UBR1: variants seen among roughly 807,000 people sequenced by gnomAD.
UBR1 encodes the protein E3 ubiquitin-protein ligase UBR1.
Under a neutral mutation model 242.1 loss-of-function variants are expected in UBR1, and 102 were observed. That is an observed-to-expected ratio of 0.42 (90% CI 0.36 to 0.50). The LOEUF (loss-of-function observed/expected upper bound fraction) is 0.50, where lower values mean the gene tolerates loss of function less well. UBR1 is among the 20% of genes least tolerant of loss of function. UBR1 has a pLI of 0.01. For synonymous variants in UBR1, 675 were observed against 684.8 expected (o/e 0.99, Z 0.22); for missense variants, 1,772 against 2,101.8 (o/e 0.84, Z 3.07).
chr15:42,999,011 A>G (rs1157874845), intron 32 of UBR1, among the ~76,000 whole-genome samples: 5 of 142,742 alleles, frequency 3.5e-5, no homozygotes, highest in Non-Finnish European at 6.0e-5. Context: ...ATCTTGGCTC[A>G]CTGCAACCAA....
intron 20 of UBR1, 60 bp from the exon 21 acceptor site, chr15:43,030,128 T>G: frequency 1.0e-5 from 16 of 1,557,430 alleles, no homozygotes; most frequent in Non-Finnish European, 1.3e-5. Flanking sequence ...TTTAAATCTC[T>G]CCCCATCAGA....
At chr15:43,059,036 T>C (rs747721800) in intron 9 of UBR1, 49 bp downstream of exon 9, 1 of 1,461,946 alleles carries the variant, frequency 6.8e-7, no homozygotes, top group African/African-American at 1.4e-5. Context: ...TTTAAGGTCA[T>C]AATCTTCCTT....
intron 32 of UBR1, among the ~76,000 whole-genome samples, chr15:42,999,130 A>G (rs1438430941): frequency 6.6e-6 from 1 of 151,850 alleles, no homozygotes; most frequent in Non-Finnish European, 1.5e-5. Flanking sequence ...TAGCAGAGAC[A>G]AGGTTTCACC....
At chr15:42,983,664 TCAA>T (rs1375740184) in intron 37 of UBR1, among the ~76,000 whole-genome samples, 4 of 36,162 alleles carry the variant, frequency 1.1e-4, no homozygotes, top group African/African-American at 2.5e-4. Context: ...AAACTCCCAC[TCAA>T]TAATAATAAT....
chr15:43,022,844 A>G (rs762012426), intron 25 of UBR1, 43 bp from the exon 26 acceptor site: 1 of 1,220,076 alleles, frequency 8.2e-7, no homozygotes, highest in South Asian at 1.3e-5. Context: ...GCGCTTCTTC[A>G]GGTAAATATA....
intron 40 of UBR1, among the ~76,000 whole-genome samples, chr15:42,968,753 T>C (rs1196799520): frequency 6.6e-6 from 1 of 152,138 alleles, no homozygotes; most frequent in Non-Finnish European, 1.5e-5. Context: ...CTCCTACTTG[T>C]GAGAACATGC....
At chr15:43,019,956 T>C (rs2141301127) in intron 27 of UBR1, among the ~76,000 whole-genome samples, 1 of 151,998 alleles carries the variant, frequency 6.6e-6, no homozygotes, top group East Asian at 1.9e-4. Flanking sequence ...TCCTGGCCTC[T>C]CTCTCCCCTG....
At chr15:43,010,616 G>C (rs576206056) in intron 29 of UBR1, among the ~76,000 whole-genome samples, 1 of 152,110 alleles carries the variant, frequency 6.6e-6, no homozygotes, top group South Asian at 2.1e-4. Flanking sequence ...CCAGGATTTG[G>C]GCTGGTGCTC....
chr15:43,038,946 C>G (rs1198144775), intron 15 of UBR1, among the ~76,000 whole-genome samples: 1 of 151,298 alleles, frequency 6.6e-6, no homozygotes, highest in Non-Finnish European at 1.5e-5. Context: ...GTACTTTTAA[C>G]AAAAATTTTT....
At position 42,983,925 on chromosome 15, in the gene UBR1, T is replaced by C; in HGVS notation, c.4122A>G (p.Ile1374Met). ...AQRITCPQVL[I>M]QKHLVRLLSV... ...ATAGAAGACGAACCAGATGTTTCTG[T>C]ATCAGGACCTGAGGACAGGTAATCC... Residue 1374 changes from isoleucine (I) to methionine (M), a missense_variant, in exon 37 of 47, where the codon ATA (isoleucine) becomes ATG (methionine). Coordinates refer to ENST00000290650, the MANE Select transcript of UBR1 (RefSeq NM_174916.3). The C allele has an allele frequency of 6.2e-7, 1 of 1,613,146 alleles. No individual in the cohort carries two copies. The highest frequency in any genetic ancestry group is 1.1e-5 in the South Asian group (1 of 90,990).
chr15:42,986,559 T>C (rs2032462223), intron 35 of UBR1, among the ~76,000 whole-genome samples: 1 of 152,232 alleles, frequency 6.6e-6, no homozygotes, highest in South Asian at 2.1e-4. Context: ...ATGTCATGAC[T>C]CCACAAGAAT....
chr15:43,028,422 G>C (rs180910823), intron 21 of UBR1, among the ~76,000 whole-genome samples: 1 of 152,182 alleles, frequency 6.6e-6, no homozygotes, highest in Non-Finnish European at 1.5e-5. Context: ...CTGTAGGCTT[G>C]TAAAGATAAG....
Position 43,047,703 on chromosome 15 carries a change from T to A in UBR1, c.1540-414A>T, listed in dbSNP as rs143652083. On this transcript the variant is annotated intron_variant, in intron 13 of 46. Coordinates refer to ENST00000290650, the MANE Select transcript of UBR1 (RefSeq NM_174916.3). ...GATGAAAACAAGCACCTTAACCTCATCACCCAACAACTGTACATGCTTTCC... is the reference window on the plus strand; with the variant it reads ...GATGAAAACAAGCACCTTAACCTCAACACCCAACAACTGTACATGCTTTCC... Among the ~76,000 whole-genome samples, 363 of 152,254 alleles carry A rather than the reference T, an allele frequency of 2.4e-3. 3 individuals carry two copies. The highest frequency in any genetic ancestry group is 1.2e-3 in the South Asian group (6 of 4,820).
At chr15:42,966,383 T>C in intron 40 of UBR1, 97 bp from the exon 41 acceptor site, 1 of 1,491,562 alleles carries the variant, frequency 6.7e-7, no homozygotes, top group Non-Finnish European at 9.2e-7. Context: ...GTTAAACATT[T>C]AGGTAATTTA....
intron 13 of UBR1, 69 bp from the exon 14 acceptor site, chr15:43,047,358 A>G: frequency 6.2e-7 from 1 of 1,607,908 alleles, no homozygotes; most frequent in Non-Finnish European, 8.5e-7. Flanking sequence ...TTGGCAAAAT[A>G]TAAAACTGTC....
chr15:42,966,677 CA>C (rs201069916), intron 40 of UBR1, among the ~76,000 whole-genome samples: 2,657 of 95,064 alleles, frequency 0.028, 22 homozygotes, highest in African/African-American at 0.058. Context: ...GACGCTGACT[CA>C]AAAAAAAAAA....
chr15:42,949,792 C>A (rs1479056069), intron 46 of UBR1, among the ~76,000 whole-genome samples: 1 of 151,306 alleles, frequency 6.6e-6, no homozygotes. Flanking sequence ...CAGGGAGACT[C>A]TGTCTCCCAA....
intron 40 of UBR1, 69 bp from the exon 41 acceptor site, chr15:42,966,355 C>A (rs1467101198): frequency 6.3e-7 from 1 of 1,578,010 alleles, no homozygotes; most frequent in Non-Finnish European, 8.7e-7. Flanking sequence ...TAAACATATC[C>A]CCCTTTTCAA....
chr15:43,082,283 A>T (rs2033983257), intron 3 of UBR1, among the ~76,000 whole-genome samples: 1 of 152,114 alleles, frequency 6.6e-6, no homozygotes, highest in African/African-American at 2.4e-5. Flanking sequence ...TTTAGTAGTA[A>T]ACTACTGAAA....
Sources: gnomAD v4.1 joint callset for allele counts (sites outside exome capture counted in the v4.1 genomes callset) on GRCh38, gnomAD v4.1.1 for gene constraint, MANE v1.5 for transcripts, NCBI Gene and HGNC (gene_info 2026-07-23, HGNC 2026-07-21) for gene names.